NUP98: variants seen among roughly 807,000 people sequenced by gnomAD.
NUP98 encodes the protein nuclear pore complex protein Nup98-Nup96.
Under a neutral mutation model 191.9 loss-of-function variants are expected in NUP98, and 26 were observed. The observed-to-expected ratio is 0.14, with a 90% CI of 0.10 to 0.19. NUP98 has a LOEUF of 0.19. Ranked by LOEUF, NUP98 falls within the 10% of genes least tolerant of loss-of-function variation. NUP98 has a pLI of 1.00. For missense variants in NUP98, 1,941 were observed against 2,178.8 expected (o/e 0.89, Z 2.17); for synonymous variants, 808 against 778.4 (o/e 1.04, Z -0.63).
chr11:3,720,975 AGTGTGTGTGTGTGTGTGT>A lies in NUP98; in HGVS notation c.2147-168_2147-151del, dbSNP rs55984201. ...TGATTCCTAGGAGAAGGGGTGTGTG[AGTGTGTGTGTGTGTGTGT>A]GTGTGTGTGTGTGTGAAAAGCTTCA... is the stretch of plus-strand genomic sequence containing the variant. On this transcript the variant is annotated intron_variant, in intron 16 of 32. Transcript: ENST00000324932. 3 of 324,494 alleles carry A rather than the reference AGTGTGTGTGTGTGTGTGT, an allele frequency of 9.2e-6. No individual in the cohort carries two copies. In the South Asian group the frequency reaches 1.6e-4, roughly 18 times the overall value. The allele number at this position is 324,494 out of a possible 1,614,324, so 20.1% of individuals were successfully genotyped here.
At chr11:3,753,448 T>C (rs1464674144) in intron 10 of NUP98, 40 bp from the exon 11 acceptor site, 7 of 1,477,050 alleles carry the variant, frequency 4.7e-6, no homozygotes, top group Admixed American at 1.7e-5. Context: ...ACTTTTAATA[T>C]AACTCTCAAT....
chr11:3,739,591 A>T (rs1300343166), intron 12 of NUP98, among the ~76,000 whole-genome samples: 1 of 152,180 alleles, frequency 6.6e-6, no homozygotes, highest in Non-Finnish European at 1.5e-5. Context: ...ACAGAGATCA[A>T]TGAAAACTCG....
At chr11:3,719,603 T>C in intron 17 of NUP98, 53 bp from the exon 18 acceptor site, 1 of 1,317,782 alleles carries the variant, frequency 7.6e-7, no homozygotes, top group Non-Finnish European at 1.0e-6. Flanking sequence ...GGCAAATACC[T>C]ACTTTACAAC....
chr11:3,758,044 G>A (rs1459710650), intron 10 of NUP98, among the ~76,000 whole-genome samples: 2 of 152,016 alleles, frequency 1.3e-5, no homozygotes, highest in Non-Finnish European at 1.5e-5. Flanking sequence ...CAGGCCAGGC[G>A]TGGTGGCTCA....
At chr11:3,693,835 A>C (rs902559280) in intron 26 of NUP98, among the ~76,000 whole-genome samples, 12 of 152,238 alleles carry the variant, frequency 7.9e-5, no homozygotes, top group African/African-American at 2.9e-4. Flanking sequence ...ATTTCTGAAA[A>C]TACTTTAAGA....
At chr11:3,780,096 A>T (rs951249927) in intron 2 of NUP98, among the ~76,000 whole-genome samples, 19 of 152,186 alleles carry the variant, frequency 1.2e-4, no homozygotes, top group African/African-American at 4.6e-4. Context: ...CAGAGATTCT[A>T]ATTCCATAGT....
chr11:3,791,273 C>G (rs1468194064), intron 1 of NUP98, among the ~76,000 whole-genome samples: 1 of 151,940 alleles, frequency 6.6e-6, no homozygotes, highest in Non-Finnish European at 1.5e-5. Flanking sequence ...TGGCTCACAC[C>G]TGTAATCCTA....
intron 26 of NUP98, among the ~76,000 whole-genome samples, chr11:3,694,584 C>A (rs578260202): frequency 6.7e-6 from 1 of 149,206 alleles, no homozygotes; most frequent in African/African-American, 2.5e-5. Context: ...ACTTAAAATA[C>A]AAAAAATTAG....
chr11:3,754,405 A>C (rs976932098), intron 10 of NUP98, among the ~76,000 whole-genome samples: 1 of 152,220 alleles, frequency 6.6e-6, no homozygotes, highest in Non-Finnish European at 1.5e-5. Flanking sequence ...TAGCATGGAT[A>C]GAGTGAGACT....
intron 12 of NUP98, among the ~76,000 whole-genome samples, chr11:3,744,225 C>T (rs2080402899): frequency 6.6e-6 from 1 of 152,008 alleles, no homozygotes; most frequent in Non-Finnish European, 1.5e-5. Flanking sequence ...ATTTAATAAA[C>T]CAAAACACAG....
intron 14 of NUP98, among the ~76,000 whole-genome samples, chr11:3,729,825 T>A (rs2079774648): frequency 6.6e-6 from 1 of 150,596 alleles, no homozygotes; most frequent in Non-Finnish European, 1.5e-5. Flanking sequence ...CCTCCCACTC[T>A]AATCCTTTCT....
At chr11:3,777,814 C>T (rs2081797210) in intron 4 of NUP98, among the ~76,000 whole-genome samples, 3 of 152,004 alleles carry the variant, frequency 2.0e-5, no homozygotes, top group Admixed American at 1.3e-4. Context: ...AGCAAACAGG[C>T]ACATTTCTTT....
At position 3,715,036 on chromosome 11, in the gene NUP98, T is replaced by C. The variant is rs755304936; in HGVS notation, c.2400-1041A>G. ...GAGCTGCTGGATCAGACAGTAATTC[T>C]ATTTTTAACTCTTCCGGGAACCACC... On this transcript the variant is annotated intron_variant, in intron 18 of 32. Transcript: ENST00000324932. Among the ~76,000 whole-genome samples, 178 of 152,332 alleles carry C rather than the reference T, an allele frequency of 1.2e-3. 1 individual carries two copies. The highest frequency in any genetic ancestry group is 5.8e-4 in the East Asian group (3 of 5,186).
At chr11:3,761,891 C>T (rs2081184243) in intron 9 of NUP98, among the ~76,000 whole-genome samples, 1 of 152,058 alleles carries the variant, frequency 6.6e-6, no homozygotes, top group Admixed American at 6.6e-5. Flanking sequence ...TTGCAGTGAG[C>T]CGAGATCATG....
chr11:3,779,403 AG>A, intron 2 of NUP98, 146 bp from the exon 3 acceptor site: 2 of 711,132 alleles, frequency 2.8e-6, no homozygotes, highest in East Asian at 5.3e-5. Context: ...GCACTTTGGG[AG>A]GCCGAGGCGG....
At chr11:3,781,057 G>C (rs1293689115) in intron 2 of NUP98, among the ~76,000 whole-genome samples, 1 of 151,922 alleles carries the variant, frequency 6.6e-6, no homozygotes, top group Non-Finnish European at 1.5e-5. Context: ...GTGGTGGTGT[G>C]CAACTGTGGT....
At chr11:3,720,969 T>TGTGTGA (rs1223283526) in intron 16 of NUP98, 144 bp from the exon 17 acceptor site, 6 of 490,952 alleles carry the variant, frequency 1.2e-5, no homozygotes, top group Non-Finnish European at 1.7e-5. Flanking sequence ...GGAGAAGGGG[T>TGTGTGA]GTGTGAGTGT....
At position 3,768,577 on chromosome 11, in the gene NUP98, T is replaced by C. The variant is rs201021796; in HGVS notation, c.948+4A>G. ...TGGAGGTAAGTAAGGGTCTGTTTCC[T>C]TACCATGGTGTTGGTGCTTGGCTGT... On this transcript the variant is annotated splice_donor_region_variant and intron_variant, in intron 8 of 32. Coordinates refer to ENST00000324932, the MANE Select transcript of NUP98 (RefSeq NM_016320.5). The C allele has an allele frequency of 5.1e-6, 8 of 1,569,252 alleles. No individual in the cohort carries two copies. Among genetic ancestry groups the C allele is most frequent in the African/African-American group, 1.4e-5 (1 of 72,968 alleles).
At position 3,778,861 on chromosome 11, in the gene NUP98, T is replaced by C; in HGVS notation, c.355+12A>G. 1 of 1,612,248 alleles carries C rather than the reference T, an allele frequency of 6.2e-7. No homozygotes were observed. The highest frequency in any genetic ancestry group is 8.5e-7 in the Non-Finnish European group (1 of 1,178,910). On this transcript the variant is annotated intron_variant, in intron 4 of 32. Coordinates refer to ENST00000324932, the MANE Select transcript of NUP98 (RefSeq NM_016320.5). The stretch of plus-strand genomic sequence containing the variant: ...ATTATTAGATGCAGAACTCCAGTGA[T>C]GTCCCACTTACTGCCAAAGCCAGTT...
Sources: gnomAD v4.1 joint callset for allele counts (sites outside exome capture counted in the v4.1 genomes callset) on GRCh38, gnomAD v4.1.1 for gene constraint, MANE v1.5 for transcripts, NCBI Gene and HGNC (gene_info 2026-07-23, HGNC 2026-07-21) for gene names.